MINDY1: variants seen among roughly 807,000 people sequenced by gnomAD.
MINDY1 encodes MINDY lysine 48 deubiquitinase 1, also known as ubiquitin carboxyl-terminal hydrolase MINDY-1.
In MINDY1, 50 loss-of-function variants were observed where a neutral mutation model predicts 53.6. The ratio of observed to expected loss-of-function variants is 0.93; its 90% CI spans 0.74 to 1.18. The LOEUF (loss-of-function observed/expected upper bound fraction) is 1.18, where lower values mean the gene tolerates loss of function less well. Among genes scored for constraint, MINDY1 ranks in the 50% most tolerant of loss-of-function variants. The pLI is 0.00. For missense variants in MINDY1, 484 were observed against 578.6 expected (o/e 0.84, Z 1.68); for synonymous variants, 231 against 234.7 (o/e 0.98, Z 0.14).
At position 151,000,705 on chromosome 1, in the gene MINDY1, CTCT is replaced by C. The variant is rs1057282686; in HGVS notation, c.577-93_577-91del. ...CAGAAATTAAAAATTAACCTTGCTG[CTCT>C]TCTTCCCTGATTCTCTTACAAGCCA... On this transcript the variant is annotated intron_variant, in intron 4 of 9. Coordinates refer to ENST00000683666, the MANE Select transcript of MINDY1 (RefSeq NM_001376665.1). 83 of 1,395,572 alleles carry C rather than the reference CTCT, an allele frequency of 5.9e-5. No homozygotes were observed. The African/African-American group carries it at 1.1e-3, about 19-fold the overall frequency. The allele number at this position is 1,395,572 out of a possible 1,614,324, so 86.4% of individuals were successfully genotyped here. A position where few individuals can be genotyped will look rare whatever the true frequency, so the allele number is the denominator to read the frequency against.
Position 151,002,875 on chromosome 1 carries a change from C to G in MINDY1, c.-89-169G>C. On this transcript the variant is annotated intron_variant, in intron 1 of 9. Transcript: ENST00000683666. The surrounding 1 kb of genome is among the most constrained non-coding windows in gnomAD (Gnocchi z 4.1). Reference sequence around the variant, plus strand: ...CGTGCTGAGCTCTTTCCACCTCTAACTTGCTGTGACCAGATGAGACCAAGA... The same window carrying G: ...CGTGCTGAGCTCTTTCCACCTCTAAGTTGCTGTGACCAGATGAGACCAAGA... 7.1e-7 allele frequency: 1 copy of G among 1,417,744 alleles called. No homozygotes were observed. The highest frequency in any genetic ancestry group is 9.2e-7 in the Non-Finnish European group (1 of 1,089,562). The allele number at this position is 1,417,744 out of a possible 1,614,324, so 87.8% of individuals were successfully genotyped here.
At chr1:151,003,498 A>G (rs1163700173) in intron 1 of MINDY1, among the ~76,000 whole-genome samples, 1 of 152,120 alleles carries the variant, frequency 6.6e-6, no homozygotes, top group East Asian at 1.9e-4. Flanking sequence ...AAATAACTTC[A>G]GATTAGGGGC....
Position 150,997,174 on chromosome 1 carries a change from C to T in MINDY1, c.*113G>A. Reference sequence around the variant, plus strand: ...GGCATTTGTTGCCTGCTCTCATCCCCAACAGTCCATAAATAAGTTATCCAG... The same window carrying T: ...GGCATTTGTTGCCTGCTCTCATCCCTAACAGTCCATAAATAAGTTATCCAG... On this transcript the variant is annotated 3_prime_UTR_variant, in exon 10 of 10. Coordinates refer to ENST00000683666, the MANE Select transcript of MINDY1 (RefSeq NM_001376665.1). The T allele has an allele frequency of 2.7e-6, 3 of 1,131,144 alleles. No homozygotes were observed. In the South Asian group the frequency reaches 4.3e-5, roughly 16 times the overall value. The allele number at this position is 1,131,144 out of a possible 1,614,324, so 70.1% of individuals were successfully genotyped here.
chr1:151,007,369 T>C (rs761754199), upstream of MINDY1, among the ~76,000 whole-genome samples: 4 of 152,166 alleles, frequency 2.6e-5, no homozygotes, highest in Non-Finnish European at 5.9e-5. Flanking sequence ...CAGGGCATGG[T>C]GGCACATGCC....
chr1:150,997,733 G>C lies in MINDY1; in HGVS notation c.1220C>G (p.Pro407Arg), dbSNP rs767728310. Residue 407 changes from proline (P) to arginine (R), a missense_variant, in exon 9 of 10, where the codon CCG (proline) becomes CGG (arginine). Physicochemically the swap from Pro to Arg is moderately radical, Grantham distance 103. Transcript: ENST00000683666. Reference sequence around the variant, plus strand: ...CAGCTCCAAGTCGGTAAGCCCCAGCGGGCCTCGTGGCTGTTGCTGCTGCAG... The same window carrying C: ...CAGCTCCAAGTCGGTAAGCCCCAGCCGGCCTCGTGGCTGTTGCTGCTGCAG... ...LSLQQQQPRG[P>R]LGLTDLELAQ... 9.3e-6 allele frequency: 15 copies of C among 1,613,810 alleles called. No homozygotes were observed. In the African/African-American group the frequency reaches 1.9e-4, roughly 20 times the overall value.
chr1:151,002,475 CT>C lies in MINDY1; in HGVS notation c.142del (p.Arg48GlufsTer41), dbSNP rs1558058080. On this transcript the variant is annotated frameshift_variant, in exon 2 of 10. Transcript: ENST00000683666. LOFTEE classifies it high-confidence loss of function. The surrounding 1 kb of genome is among the most constrained non-coding windows in gnomAD (Gnocchi z 4.1). ...TDARDADGEAREREPADQALL... is the reference protein window; with the variant it reads ...TDARDADGEAXEREPADQALL... ...AGCTTGGTCTGCTGGCTCCCGTTCT[CT>C]AGCCTCCCCATCAGCATCTCTTGCA... 3.1e-6 allele frequency: 5 copies of C among 1,614,232 alleles called. No homozygotes were observed. Among genetic ancestry groups the C allele is most frequent in the Non-Finnish European group, 4.2e-6 (5 of 1,180,042 alleles).
chr1:150,998,235 T>C lies in MINDY1; in HGVS notation c.1020A>G (p.Leu340=). 6.2e-7 allele frequency: 1 copy of C among 1,614,070 alleles called. No homozygotes were observed. The highest frequency in any genetic ancestry group is 8.5e-7 in the Non-Finnish European group (1 of 1,180,004). The change falls in exon 8 of 10, where the codon CTA becomes CTG. Residue 340 remains leucine (L), a synonymous_variant. Transcript: ENST00000683666. ...LYLLVTDQGF[L]QEEQVVWESL... ...TCTCCCATACGACTTGCTCCTCCTG[T>C]AGAAAGCCCTGGTCAGTGACCAGTA... is the stretch of plus-strand genomic sequence containing the variant.
Position 151,002,723 on chromosome 1 carries a change from A to C in MINDY1, c.-89-17T>G, listed in dbSNP as rs765411548. ...AAGAGTGACCTGTCCAATAAGAAGG[A>C]AATCAGTGGGCTGGAAAGCAAACTA... On this transcript the variant is annotated splice_polypyrimidine_tract_variant and intron_variant, in intron 1 of 9. Transcript: ENST00000683666. This position sits in a 1 kb window ranked among gnomAD's most constrained non-coding sequence, Gnocchi z 4.1. The C allele has an allele frequency of 8.3e-6, 13 of 1,560,502 alleles. No homozygotes were observed. The East Asian group carries it at 3.0e-4, about 36-fold the overall frequency.
intron 8 of MINDY1, 132 bp from the exon 9 acceptor site, chr1:150,997,911 C>A: frequency 8.6e-7 from 1 of 1,167,976 alleles, no homozygotes; most frequent in Non-Finnish European, 1.2e-6. Context: ...CACACACAGC[C>A]AAATGCATTA....
chr1:151,002,790 G>A lies in MINDY1; in HGVS notation c.-89-84C>T, dbSNP rs886923135. On this transcript the variant is annotated intron_variant, in intron 1 of 9. Transcript: ENST00000683666. The surrounding 1 kb of genome is among the most constrained non-coding windows in gnomAD (Gnocchi z 4.1). ...GAAAAGGAATGTAGTGTAGAAGGCT[G>A]GCTAGTGTTTGTGCAGTAACTCCTG... 2 of 1,472,590 alleles carry A rather than the reference G, an allele frequency of 1.4e-6. No individual in the cohort carries two copies. Among genetic ancestry groups the A allele is most frequent in the African/African-American group, 1.4e-5 (1 of 70,520 alleles). The allele number at this position is 1,472,590 out of a possible 1,614,324, so 91.2% of individuals were successfully genotyped here.
At position 151,001,802 on chromosome 1, in the gene MINDY1, T is replaced by C. The variant is rs749009281; in HGVS notation, c.454-20A>G. The C allele has an allele frequency of 6.5e-5, 103 of 1,581,876 alleles. No homozygotes were observed. The highest frequency in any genetic ancestry group is 7.8e-5 in the Non-Finnish European group (91 of 1,170,666). Reference sequence around the variant, plus strand: ...CTTCACCTGGAGGCAGAAGGGGTGATCACGTGTGTGCTTTCCTCCAAAGAG... The same window carrying C: ...CTTCACCTGGAGGCAGAAGGGGTGACCACGTGTGTGCTTTCCTCCAAAGAG... On this transcript the variant is annotated intron_variant, in intron 2 of 9. Transcript: ENST00000683666.
In MINDY1 at chr1:151,006,698, C is replaced by G; in HGVS notation, c.-476G>C. On this transcript the variant is annotated 5_prime_UTR_variant, in exon 1 of 10. Coordinates refer to ENST00000683666, the MANE Select transcript of MINDY1 (RefSeq NM_001376665.1). ...TTCTCTCTCTCTTTTTTGTTCTCAT[C>G]AGGACGAAGAAAAATTAGGCAAGGA... is the stretch of plus-strand genomic sequence containing the variant. The G allele has an allele frequency of 1.0e-6, 1 of 985,576 alleles. No individual in the cohort carries two copies. The highest frequency in any genetic ancestry group is 1.2e-6 in the Non-Finnish European group (1 of 830,080). The allele number at this position is 985,576 out of a possible 1,614,324, so 61.1% of individuals were successfully genotyped here.
intron 1 of MINDY1, among the ~76,000 whole-genome samples, chr1:151,003,763 C>A (rs762089055): frequency 2.4e-4 from 36 of 151,804 alleles, no homozygotes; most frequent in Non-Finnish European, 4.4e-4. Context: ...TTCCTCAGTT[C>A]ATTTTTTTTC....
chr1:151,002,873 A>C lies in MINDY1; in HGVS notation c.-89-167T>G. The C allele has an allele frequency of 7.1e-7, 1 of 1,418,028 alleles. No homozygotes were observed. The highest frequency in any genetic ancestry group is 1.5e-5 in the South Asian group (1 of 65,266). The allele number at this position is 1,418,028 out of a possible 1,614,324, so 87.8% of individuals were successfully genotyped here. ...CCCGTGCTGAGCTCTTTCCACCTCT[A>C]ACTTGCTGTGACCAGATGAGACCAA... On this transcript the variant is annotated intron_variant, in intron 1 of 9. Transcript: ENST00000683666. This position sits in a 1 kb window ranked among gnomAD's most constrained non-coding sequence, Gnocchi z 4.1.
rs1280677365 is a variant in MINDY1, at chr1:151,002,760, T to C, written c.-89-54A>G. On this transcript the variant is annotated intron_variant, in intron 1 of 9. Coordinates refer to ENST00000683666, the MANE Select transcript of MINDY1 (RefSeq NM_001376665.1). This position sits in a 1 kb window ranked among gnomAD's most constrained non-coding sequence, Gnocchi z 4.1. ...TGGAAAGCAAACTAACCCAGAAAAGTCTTGGAAAAGGAATGTAGTGTAGAA... is the reference window on the plus strand; with the variant it reads ...TGGAAAGCAAACTAACCCAGAAAAGCCTTGGAAAAGGAATGTAGTGTAGAA... The C allele has an allele frequency of 2.0e-6, 3 of 1,502,864 alleles. No homozygotes were observed. The highest frequency in any genetic ancestry group is 2.8e-5 in the African/African-American group (2 of 71,388). 93.1% of individuals were successfully genotyped at this position (1,502,864 alleles called of 1,614,324 possible).
At chr1:151,008,184 A>G (rs1294034130), upstream of MINDY1, 7 of 1,023,518 alleles carry the variant, frequency 6.8e-6, no homozygotes, top group Non-Finnish European at 7.2e-6. Flanking sequence ...TAAAGATGTT[A>G]TACTTGGCCT....
Position 151,002,801 on chromosome 1 carries a change from G to A in MINDY1, c.-89-95C>T. On this transcript the variant is annotated intron_variant, in intron 1 of 9. Transcript: ENST00000683666. The surrounding 1 kb of genome is among the most constrained non-coding windows in gnomAD (Gnocchi z 4.1). ...TAGTGTAGAAGGCTGGCTAGTGTTT[G>A]TGCAGTAACTCCTGGCTATGGGCAG... The A allele has an allele frequency of 6.8e-7, 1 of 1,465,700 alleles. No homozygotes were observed. The highest frequency in any genetic ancestry group is 9.0e-7 in the Non-Finnish European group (1 of 1,109,174). 90.8% of individuals were successfully genotyped at this position (1,465,700 alleles called of 1,614,324 possible).
rs587764832 is a variant in MINDY1, at chr1:151,006,508, A to C, written c.-286T>G. On this transcript the variant is annotated 5_prime_UTR_variant, in exon 1 of 10. Coordinates refer to ENST00000683666, the MANE Select transcript of MINDY1 (RefSeq NM_001376665.1). ...TGTGGCCACTTCCGGACTCACGCCC[A>C]GTACTGGGGGCACTGGAGGAGGGTG... 9.7e-7 allele frequency: 1 copy of C among 1,027,098 alleles called. No homozygotes were observed. The highest frequency in any genetic ancestry group is 1.2e-6 in the Non-Finnish European group (1 of 855,510). 63.6% of individuals were successfully genotyped at this position (1,027,098 alleles called of 1,614,324 possible).
Position 150,997,653 on chromosome 1 carries a change from G to A in MINDY1, c.1300C>T (p.Arg434Trp), listed in dbSNP as rs761827412. 9.3e-6 allele frequency: 15 copies of A among 1,611,368 alleles called. No homozygotes were observed. In the Admixed American group the frequency reaches 1.0e-4, roughly 11 times the overall value. Residue 434 changes from arginine (R) to tryptophan (W), a missense_variant, in exon 9 of 10, where the codon CGG (arginine) becomes TGG (tryptophan). Physicochemically the swap from Arg to Trp is moderately radical, Grantham distance 101. Transcript: ENST00000683666. ...AGTGACAGGACCCGCGTCCGCATCC[G>A]CACTGGCTGCGCTGCCTGCTGCTGT... ...YQQQQAAQPV[R>W]MRTRVLSLQG... is the part of the protein sequence containing the mutation.
Sources: gnomAD v4.1 joint callset for allele counts (sites outside exome capture counted in the v4.1 genomes callset) on GRCh38, gnomAD v4.1.1 for gene constraint, Gnocchi (gnomAD v3.1) non-coding constraint, MANE v1.5 for transcripts, NCBI Gene and HGNC (gene_info 2026-07-23, HGNC 2026-07-21) for gene names.